Variants in STX8 observed in about 807,000 individuals in gnomAD.
The protein encoded by STX8 is syntaxin 8, also known as syntaxin-8.
A neutral mutation model predicts 37.5 loss-of-function variants in STX8; 23 were observed. The ratio of observed to expected loss-of-function variants is 0.61; its 90% confidence interval spans 0.44 to 0.87. STX8 has a LOEUF of 0.87. Ranked by LOEUF, STX8 falls within the 40% of genes least tolerant of loss-of-function variation. The pLI is 0.00. For missense variants in STX8, 313 were observed against 284.7 expected (o/e 1.10, Z -0.71); for synonymous variants, 115 against 99.1 (o/e 1.16, Z -0.95).
Position 9,349,984 on chromosome 17 carries a change from C to A in STX8, c.643+28568G>T, listed in dbSNP as rs151095983. On this transcript the variant is annotated intron_variant, in intron 7 of 7. Coordinates refer to ENST00000306357, the MANE Select transcript of STX8 (RefSeq NM_004853.3). Reference sequence around the variant, plus strand: ...AACTCCTGGCCTGAAGCAATCCTCACACTTTGGCTTCCCAAAGTGCGGGGA... The same window carrying A: ...AACTCCTGGCCTGAAGCAATCCTCAAACTTTGGCTTCCCAAAGTGCGGGGA... Among the ~76,000 whole-genome samples, 4 of 152,290 alleles carry A rather than the reference C, an allele frequency of 2.6e-5. No individual in the cohort carries two copies. In the East Asian group the frequency reaches 5.8e-4, roughly 22 times the overall value.
Position 9,493,921 on chromosome 17 carries a change from A to G in STX8, c.449-2000T>C, listed in dbSNP as rs376818604. Among the ~76,000 whole-genome samples, 4 of 152,192 alleles carry G rather than the reference A, an allele frequency of 2.6e-5. No homozygotes were observed. In the East Asian group the frequency reaches 5.8e-4, roughly 22 times the overall value. On this transcript the variant is annotated intron_variant, in intron 5 of 7. Coordinates refer to ENST00000306357, the MANE Select transcript of STX8 (RefSeq NM_004853.3). The stretch of plus-strand genomic sequence containing the variant: ...TAAATTTATAGTATATCCACATAGT[A>G]AAACACTGTATAGCCACTGAAAATC...
intron 7 of STX8, among the ~76,000 whole-genome samples, chr17:9,339,420 C>T (rs1046883333): frequency 7.9e-5 from 12 of 151,586 alleles, no homozygotes; most frequent in East Asian, 1.9e-4. Flanking sequence ...TTTGGGAGGC[C>T]GAGGCAGGTG....
At chr17:9,567,774 C>T (rs4791351) in intron 2 of STX8, among the ~76,000 whole-genome samples, 21,387 of 152,142 alleles carry the variant, frequency 0.14, 1,714 homozygotes, top group East Asian at 0.39. Flanking sequence ...GCAGCCTCCA[C>T]CTCCCAGGTT....
chr17:9,388,765 T>C (rs1372055211), intron 6 of STX8, among the ~76,000 whole-genome samples: 3 of 147,908 alleles, frequency 2.0e-5, no homozygotes, highest in African/African-American at 7.6e-5. Flanking sequence ...ACAGTGCCAT[T>C]GCACTCCAGC....
chr17:9,362,929 T>TA (rs1332228725), intron 7 of STX8, among the ~76,000 whole-genome samples: 1 of 152,004 alleles, frequency 6.6e-6, no homozygotes, highest in South Asian at 2.1e-4. Flanking sequence ...ATTCAAATAA[T>TA]AAAAACACAC....
chr17:9,281,659 C>G (rs140015694), intron 7 of STX8, among the ~76,000 whole-genome samples: 1,946 of 152,258 alleles, frequency 0.013, 39 homozygotes, highest in Non-Finnish European at 0.018. Context: ...AAAGGCTGGG[C>G]ACAGTGGCTC....
chr17:9,534,208 C>A (rs1905936051), intron 4 of STX8, among the ~76,000 whole-genome samples: 1 of 150,012 alleles, frequency 6.7e-6, no homozygotes, highest in Non-Finnish European at 1.5e-5. Flanking sequence ...TAGAAAAGTA[C>A]AATTTAAAAA....
At chr17:9,289,015 G>A (rs370297545) in intron 7 of STX8, among the ~76,000 whole-genome samples, 56 of 152,254 alleles carry the variant, frequency 3.7e-4, no homozygotes, top group African/African-American at 1.3e-3. Context: ...AGGATGCTGG[G>A]ACTAAAGAGA....
intron 7 of STX8, among the ~76,000 whole-genome samples, chr17:9,271,282 C>T (rs906937312): frequency 5.3e-5 from 8 of 151,752 alleles, no homozygotes; most frequent in Admixed American, 6.6e-5. Flanking sequence ...GGTGAAACTT[C>T]GTCTCTACTA....
At chr17:9,553,790 T>G (rs1264171401) in intron 3 of STX8, 1 of 152,230 alleles carries the variant, frequency 6.6e-6, no homozygotes, top group Non-Finnish European at 1.5e-5. Context: ...GAATTCTAGT[T>G]GAAGACATGC....
intron 6 of STX8, among the ~76,000 whole-genome samples, chr17:9,381,708 C>T (rs755287427): frequency 3.3e-5 from 5 of 152,200 alleles, no homozygotes; most frequent in African/African-American, 4.8e-5. Flanking sequence ...TGGTGGCTCA[C>T]GCCTGTAATC....
chr17:9,414,782 G>GT (rs1913119714), intron 6 of STX8, among the ~76,000 whole-genome samples: 1 of 109,478 alleles, frequency 9.1e-6, no homozygotes, highest in Admixed American at 1.2e-4. Flanking sequence ...CCTGAGTTCT[G>GT]CTTTTTTTTT....
intron 6 of STX8, among the ~76,000 whole-genome samples, chr17:9,384,966 G>A (rs1227384963): frequency 3.3e-5 from 5 of 149,716 alleles, no homozygotes; most frequent in Admixed American, 2.7e-4. Flanking sequence ...AAAAAATTGT[G>A]ATGGTTCATA....
chr17:9,533,300 T>C (rs985996117), intron 4 of STX8, among the ~76,000 whole-genome samples: 25 of 152,082 alleles, frequency 1.6e-4, no homozygotes, highest in African/African-American at 6.0e-4. Flanking sequence ...AAACCCCGTC[T>C]CTAATAAAAA....
At chr17:9,544,655 G>C (rs111575050) in intron 4 of STX8, among the ~76,000 whole-genome samples, 1 of 152,256 alleles carries the variant, frequency 6.6e-6, no homozygotes, top group East Asian at 1.9e-4. Flanking sequence ...TTCCACCCAA[G>C]ATGGGATTCA....
Position 9,402,138 on chromosome 17 carries a change from A to G in STX8, c.542-23485T>C, listed in dbSNP as rs1912647032. Reference sequence around the variant, plus strand: ...TATTTATTTATTATTATTTGTTTTTAGACAGCGTTTTGCTCTTGTTCCCCA... The same window carrying G: ...TATTTATTTATTATTATTTGTTTTTGGACAGCGTTTTGCTCTTGTTCCCCA... On this transcript the variant is annotated intron_variant, in intron 6 of 7. Coordinates refer to ENST00000306357, the MANE Select transcript of STX8 (RefSeq NM_004853.3). Among the ~76,000 whole-genome samples, 9 of 151,680 alleles carry G rather than the reference A, an allele frequency of 5.9e-5. 1 individual carries two copies. Among genetic ancestry groups the G allele is most frequent in the Admixed American group, 5.9e-4 (9 of 15,204 alleles).
chr17:9,399,560 T>A (rs1175605041), intron 6 of STX8, among the ~76,000 whole-genome samples: 1 of 152,080 alleles, frequency 6.6e-6, no homozygotes, highest in Non-Finnish European at 1.5e-5. Flanking sequence ...TGTTTTGTTT[T>A]GCTTTGTTCG....
intron 7 of STX8, among the ~76,000 whole-genome samples, chr17:9,370,617 A>C (rs1911373290): frequency 6.6e-6 from 1 of 152,196 alleles, no homozygotes; most frequent in East Asian, 1.9e-4. Context: ...TCACTGAAAC[A>C]CTACTAAAAT....
intron 7 of STX8, among the ~76,000 whole-genome samples, chr17:9,318,256 T>G (rs1198950555): frequency 1.3e-5 from 2 of 152,118 alleles, no homozygotes; most frequent in Non-Finnish European, 2.9e-5. Context: ...TTTCTCCTAA[T>G]GCTATCCCTC....
Sources: allele counts gnomAD v4.1 joint callset (sites outside exome capture counted in the v4.1 genomes callset), GRCh38; gene constraint gnomAD v4.1.1; transcripts MANE v1.5; gene names NCBI Gene and HGNC (gene_info 2026-07-23, HGNC 2026-07-21).